ZNF18: variants seen among roughly 807,000 people sequenced by gnomAD.
ZNF18 encodes heart development-specific gene 1 protein.
Under a neutral mutation model 58.1 loss-of-function variants are expected in ZNF18, and 42 were observed. That is an observed-to-expected ratio of 0.72 (90% CI 0.56 to 0.93). ZNF18 has a LOEUF of 0.93. ZNF18 is among the 40% of genes least tolerant of loss of function. The pLI is 0.00. For synonymous variants in ZNF18, 231 were observed against 239.8 expected (o/e 0.96, Z 0.34); for missense variants, 540 against 644.2 (o/e 0.84, Z 1.75).
chr17:11,990,673 A>G, intron 3 of ZNF18, 123 bp from the exon 4 acceptor site: 1 of 768,650 alleles, frequency 1.3e-6, no homozygotes, highest in Non-Finnish European at 2.1e-6. Context: ...TGCCATCTAT[A>G]TTTCAAGACT....
upstream of ZNF18, among the ~76,000 whole-genome samples, chr17:12,000,463 C>T (rs575994618): frequency 6.6e-6 from 1 of 152,268 alleles, no homozygotes; most frequent in Non-Finnish European, 1.5e-5. Flanking sequence ...AATCCTAGCA[C>T]TTTGGGAGGC....
chr17:11,983,007 T>C (rs1967476007), intron 6 of ZNF18, among the ~76,000 whole-genome samples: 2 of 152,202 alleles, frequency 1.3e-5, no homozygotes, highest in South Asian at 4.1e-4. Flanking sequence ...TTAATTTGTG[T>C]GAATCTTAAT....
intron 4 of ZNF18, 121 bp from the exon 5 acceptor site, chr17:11,984,318 G>A (rs878886215): frequency 9.7e-6 from 9 of 926,744 alleles, no homozygotes; most frequent in Middle Eastern, 2.3e-4. Flanking sequence ...CCTGGCCATC[G>A]CAAGACCTGA....
intron 2 of ZNF18, among the ~76,000 whole-genome samples, chr17:11,991,608 C>G (rs908460419): frequency 1.3e-5 from 2 of 152,090 alleles, no homozygotes; most frequent in Non-Finnish European, 2.9e-5. Flanking sequence ...AGTCTTTGTC[C>G]CCAGTTCCCA....
chr17:12,015,604 G>A, the ZNF18 span, among the ~76,000 whole-genome samples: 1 of 151,958 alleles, frequency 6.6e-6, no homozygotes, highest in East Asian at 1.9e-4. Context: ...GTAGTTAGTA[G>A]CAGTCTATCC....
At chr17:11,995,005 G>A (rs901394969) in intron 1 of ZNF18, among the ~76,000 whole-genome samples, 6 of 152,168 alleles carry the variant, frequency 3.9e-5, no homozygotes, top group African/African-American at 1.2e-4. Flanking sequence ...TCTTGCAGTC[G>A]CAGGAGTCAC....
intron 1 of ZNF18, among the ~76,000 whole-genome samples, chr17:11,994,308 T>C (rs139675930): frequency 0.011 from 1,654 of 151,978 alleles, 21 homozygotes; most frequent in Middle Eastern, 0.051. Context: ...AGAAAAACAA[T>C]TTTTTTTCAA....
chr17:12,008,147 T>TC, the ZNF18 span, among the ~76,000 whole-genome samples: 1 of 152,160 alleles, frequency 6.6e-6, no homozygotes, highest in East Asian at 1.9e-4. Context: ...TACCCGGAAT[T>TC]AAGCAAGGAA....
chr17:12,001,591 T>C (rs1968656941), upstream of ZNF18, among the ~76,000 whole-genome samples: 1 of 152,096 alleles, frequency 6.6e-6, no homozygotes, highest in African/African-American at 2.4e-5. Flanking sequence ...ATTGCGCCAC[T>C]GCACTCCAGC....
chr17:11,990,589 T>C (rs761823663), intron 3 of ZNF18, 39 bp from the exon 4 acceptor site: 15 of 1,542,172 alleles, frequency 9.7e-6, no homozygotes, highest in Non-Finnish European at 1.1e-5. Context: ...TCTGGATGTC[T>C]TCCTTAACCA....
At chr17:12,019,600 C>A in the ZNF18 span, among the ~76,000 whole-genome samples, 2 of 152,054 alleles carry the variant, frequency 1.3e-5, no homozygotes, top group Admixed American at 1.3e-4. Flanking sequence ...GTACACCTAC[C>A]TGCTCTCACC....
chr17:12,004,965 T>C, the ZNF18 span, among the ~76,000 whole-genome samples: 2 of 151,310 alleles, frequency 1.3e-5, no homozygotes, highest in African/African-American at 4.8e-5. Flanking sequence ...TAACAAGATG[T>C]ATATTTATGT....
the ZNF18 span, chr17:12,021,009 A>T: frequency 8.3e-7 from 1 of 1,205,188 alleles, no homozygotes; most frequent in Non-Finnish European, 1.0e-6. Context: ...AGGGTAAGGA[A>T]CGCGGCCGCG....
chr17:11,978,756 A>C lies in ZNF18; in HGVS notation c.863-12T>G, dbSNP rs141502383. ...CTCTTGTCTATCTCCTAAAAGAAGAAAGAAGATTTGAAATGGTTCAAGTGC... is the reference window on the plus strand; with the variant it reads ...CTCTTGTCTATCTCCTAAAAGAAGACAGAAGATTTGAAATGGTTCAAGTGC... On this transcript the variant is annotated splice_polypyrimidine_tract_variant and intron_variant, in intron 6 of 6. Coordinates refer to ENST00000580306, the MANE Select transcript of ZNF18 (RefSeq NM_001303281.2). 6.4e-7 allele frequency: 1 copy of C among 1,558,874 alleles called. No individual in the cohort carries two copies. The highest frequency in any genetic ancestry group is 1.8e-4 in the Middle Eastern group (1 of 5,446).
the ZNF18 span, among the ~76,000 whole-genome samples, chr17:12,006,603 T>C: frequency 6.6e-6 from 1 of 152,162 alleles, no homozygotes; most frequent in Non-Finnish European, 1.5e-5. Context: ...CATAAATTAT[T>C]ACCAGGGCAT....
chr17:11,982,657 A>AGTGTGTGTGTGTGTGTGT lies in ZNF18; in HGVS notation c.862+622_862+639dup, dbSNP rs143602913. Among the ~76,000 whole-genome samples the AGTGTGTGTGTGTGTGTGT allele has an allele frequency of 5.0e-4, 69 of 136,804 alleles. 1 individual carries two copies. The highest frequency in any genetic ancestry group is 7.7e-3 in the Middle Eastern group (2 of 260). The allele number at this position is 136,804 out of a possible 152,430, so 89.7% of individuals were successfully genotyped here. On this transcript the variant is annotated intron_variant, in intron 6 of 6. Transcript: ENST00000580306. Reference sequence around the variant, plus strand: ...TTCTGGGATTTACTGTATATATAAAAGTGTGTGTGTGTGTGTGTGTGTGTG... The same window carrying AGTGTGTGTGTGTGTGTGT: ...TTCTGGGATTTACTGTATATATAAAAGTGTGTGTGTGTGTGTGTGTGTGTGTGTGTGTGTGTGTGTGTG...
At chr17:12,013,774 T>A in the ZNF18 span, among the ~76,000 whole-genome samples, 5 of 152,250 alleles carry the variant, frequency 3.3e-5, no homozygotes, top group Admixed American at 1.3e-4. Context: ...CCTATGTGTC[T>A]AACAATAATT....
At chr17:12,004,130 C>G in the ZNF18 span, among the ~76,000 whole-genome samples, 1 of 152,054 alleles carries the variant, frequency 6.6e-6, no homozygotes, top group Admixed American at 6.6e-5. Context: ...ACTCGGGAGG[C>G]TGAGGCAGGA....
At chr17:11,999,417 T>C (rs1477369297), upstream of ZNF18, among the ~76,000 whole-genome samples, 1 of 152,216 alleles carries the variant, frequency 6.6e-6, no homozygotes, top group Non-Finnish European at 1.5e-5. Flanking sequence ...GATATGAAAA[T>C]GACACTTTGA....
Sources: gnomAD v4.1 joint callset for allele counts (sites outside exome capture counted in the v4.1 genomes callset) on GRCh38, gnomAD v4.1.1 for gene constraint, MANE v1.5 for transcripts, NCBI Gene and HGNC (gene_info 2026-07-23, HGNC 2026-07-21) for gene names.